The following ROBO1 variants were observed in gnomAD, a reference collection of about 807,000 sequenced individuals.
The protein encoded by ROBO1 is roundabout homolog 1.
ROBO1 carries 149 observed loss-of-function variants against 195.9 expected under a neutral mutation model. That is an observed-to-expected ratio of 0.76 (90% CI 0.67 to 0.87). The LOEUF is 0.87. Ranked by LOEUF, ROBO1 falls within the 40% of genes least tolerant of loss-of-function variation. The probability of loss-of-function intolerance (pLI) is 0.00; values close to 1 mark genes in which losing one functional copy is unlikely to be tolerated. For missense variants in ROBO1, 1,933 were observed against 2,068.3 expected (o/e 0.93, Z 1.27); for synonymous variants, 816 against 733.2 (o/e 1.11, Z -1.82).
At chr3:79,177,631 GAAGTT>G (rs772507300) in intron 2 of ROBO1, among the ~76,000 whole-genome samples, 1 of 152,174 alleles carries the variant, frequency 6.6e-6, no homozygotes, top group Non-Finnish European at 1.5e-5. Context: ...GCCATTTGAG[GAAGTT>G]AAGAATGGCT....
Position 79,513,366 on chromosome 3 carries a change from A to T in ROBO1, c.88+76458T>A, listed in dbSNP as rs530110759. 1.4e-4 allele frequency among the ~76,000 whole-genome samples: 22 copies of T among 152,258 alleles called. No homozygotes were observed. In the South Asian group the frequency reaches 4.1e-3, roughly 29 times the overall value. ...TATATTTTTAAGGAGAAAAAATAAT[A>T]TGCTCAACCATATTTTTAAAAAGCA... On this transcript the variant is annotated intron_variant, in intron 2 of 30. Coordinates refer to ENST00000464233, the MANE Select transcript of ROBO1 (RefSeq NM_002941.4).
chr3:78,792,790 T>C (rs2084060685), intron 4 of ROBO1, among the ~76,000 whole-genome samples: 1 of 152,114 alleles, frequency 6.6e-6, no homozygotes, highest in Non-Finnish European at 1.5e-5. Flanking sequence ...AAGTAATAAA[T>C]CAACTTTCTA....
At chr3:78,660,661 C>T (rs1379426722) in intron 16 of ROBO1, 1 of 174,190 alleles carries the variant, frequency 5.7e-6, no homozygotes, top group Non-Finnish European at 1.2e-5. Flanking sequence ...CAAATCAACA[C>T]ATTATTCAAA....
intron 1 of ROBO1, among the ~76,000 whole-genome samples, chr3:79,696,359 A>G (rs1947447590): frequency 6.6e-6 from 1 of 150,940 alleles, no homozygotes; most frequent in African/African-American, 2.4e-5. Context: ...CTTATTAAAT[A>G]TAACTAATAA....
intron 10 of ROBO1, among the ~76,000 whole-genome samples, chr3:78,682,276 A>G (rs1288601704): frequency 6.6e-6 from 1 of 152,004 alleles, no homozygotes; most frequent in Non-Finnish European, 1.5e-5. Flanking sequence ...AAGGAAAGAC[A>G]TAAAACTTGA....
chr3:78,981,559 T>G (rs1303896842), intron 3 of ROBO1, among the ~76,000 whole-genome samples: 6 of 152,102 alleles, frequency 3.9e-5, no homozygotes, highest in African/African-American at 1.4e-4. Flanking sequence ...TCTCCAAAAC[T>G]TCTCTTAATC....
rs1705330608 is a variant in ROBO1 at position 78,633,934 on chromosome 3, C to A, written c.3481+1G>T. ...GAAGTTCTTTGGTTCATCTTACTTA[C>A]CAGATGTACTACTGCCCCGGTCTGA... On this transcript the variant is annotated splice_donor_variant, in intron 24 of 30. Coordinates refer to ENST00000464233, the MANE Select transcript of ROBO1 (RefSeq NM_002941.4). LOFTEE classifies it high-confidence loss of function. 6.3e-7 allele frequency: 1 copy of A among 1,592,186 alleles called. No homozygotes were observed.
chr3:79,621,981 T>C (rs1483440665), intron 1 of ROBO1, among the ~76,000 whole-genome samples: 1 of 152,122 alleles, frequency 6.6e-6, no homozygotes, highest in Non-Finnish European at 1.5e-5. Flanking sequence ...ATAATAAGCA[T>C]GTGAATTCTT....
chr3:79,060,828 T>C (rs1254939401), intron 3 of ROBO1, among the ~76,000 whole-genome samples: 5 of 152,096 alleles, frequency 3.3e-5, no homozygotes, highest in African/African-American at 9.7e-5. Context: ...CTCAATAAAC[T>C]AGGTATTGAT....
intron 2 of ROBO1, among the ~76,000 whole-genome samples, chr3:79,469,142 T>C (rs573133896): frequency 9.8e-4 from 149 of 152,186 alleles, no homozygotes; most frequent in African/African-American, 3.3e-3. Context: ...TGGAAAATAA[T>C]GGGGCATACA....
chr3:79,139,101 G>T (rs1310492009), intron 2 of ROBO1, among the ~76,000 whole-genome samples: 2 of 151,298 alleles, frequency 1.3e-5, no homozygotes, highest in Non-Finnish European at 1.5e-5. Flanking sequence ...CTAAATAAAA[G>T]ATACCTAATA....
chr3:79,045,630 A>G (rs1435563539), intron 3 of ROBO1, among the ~76,000 whole-genome samples: 1 of 152,162 alleles, frequency 6.6e-6, no homozygotes, highest in Non-Finnish European at 1.5e-5. Flanking sequence ...TGCATCATAA[A>G]ATGTCACTTT....
intron 4 of ROBO1, among the ~76,000 whole-genome samples, chr3:78,859,356 T>A (rs1482926349): frequency 6.6e-6 from 1 of 152,220 alleles, no homozygotes; most frequent in African/African-American, 2.4e-5. Flanking sequence ...AATATTTGCA[T>A]TAACCTTACT....
chr3:79,576,171 G>A (rs368446901), intron 2 of ROBO1, among the ~76,000 whole-genome samples: 40 of 151,848 alleles, frequency 2.6e-4, no homozygotes, highest in Non-Finnish European at 4.7e-4. Context: ...TGTAAGACCC[G>A]CTATTCTGAA....
At position 79,631,014 on chromosome 3, in the gene ROBO1, T is replaced by G. The variant is rs571596973; in HGVS notation, c.-50-41053A>C. ...GGAAAACCATCCCATGTTTACTGAT[T>G]GGAATAATCAATACAGGTAAAATGA... is the stretch of plus-strand genomic sequence containing the variant. On this transcript the variant is annotated intron_variant, in intron 1 of 30. Coordinates refer to ENST00000464233, the MANE Select transcript of ROBO1 (RefSeq NM_002941.4). 2.0e-5 allele frequency among the ~76,000 whole-genome samples: 3 copies of G among 152,022 alleles called. No individual in the cohort carries two copies. In the East Asian group the frequency reaches 5.8e-4, roughly 29 times the overall value.
intron 3 of ROBO1, among the ~76,000 whole-genome samples, chr3:79,105,966 T>G (rs1230548753): frequency 6.6e-6 from 1 of 151,680 alleles, no homozygotes; most frequent in Non-Finnish European, 1.5e-5. Flanking sequence ...TTCTACCCAT[T>G]TGGTTTCTGT....
intron 1 of ROBO1, among the ~76,000 whole-genome samples, chr3:79,607,208 A>T (rs1216256239): frequency 1.3e-5 from 2 of 151,626 alleles, no homozygotes; most frequent in African/African-American, 4.8e-5. Flanking sequence ...GGAAAAAAAG[A>T]TGTTCTTTTT....
intron 2 of ROBO1, among the ~76,000 whole-genome samples, chr3:79,339,421 C>T (rs1419432525): frequency 1.3e-5 from 2 of 152,154 alleles, no homozygotes; most frequent in Non-Finnish European, 2.9e-5. Context: ...GGTACCATTG[C>T]TTTTCCACAA....
rs192686993 is a variant in ROBO1, at chr3:78,833,361, C to T, written c.500-86461G>A. 5.6e-4 allele frequency among the ~76,000 whole-genome samples: 85 copies of T among 152,128 alleles called. 1 individual carries two copies. The East Asian group carries it at 0.016, about 29-fold the overall frequency. On this transcript the variant is annotated intron_variant, in intron 4 of 30. Transcript: ENST00000464233. ...CGTTTTTAGCTTAGTGGGCCAGATA[C>T]GTGGTTGCACTCACAACAGATATAA... is the stretch of plus-strand genomic sequence containing the variant.
Sources: gnomAD v4.1 joint callset for allele counts (sites outside exome capture counted in the v4.1 genomes callset) on GRCh38, gnomAD v4.1.1 for gene constraint, MANE v1.5 for transcripts, NCBI Gene and HGNC (gene_info 2026-07-23, HGNC 2026-07-21) for gene names.